SPATA6L: variants seen among roughly 807,000 people sequenced by gnomAD.
SPATA6L encodes spermatogenesis associated 6 like.
Under a neutral mutation model 49.2 loss-of-function variants are expected in SPATA6L, and 68 were observed. The ratio of observed to expected loss-of-function variants is 1.38; its 90% CI spans 1.14 to 1.69. The LOEUF is 1.69. Among genes scored for constraint, SPATA6L ranks in the 40% most tolerant of loss-of-function variants. The pLI is 0.00. For missense variants in SPATA6L, 668 were observed against 464.3 expected (o/e 1.44, Z -4.03); for synonymous variants, 198 against 165.7 (o/e 1.19, Z -1.50).
chr9:4,642,128 T>A (rs2093349688), intron 3 of SPATA6L, among the ~76,000 whole-genome samples: 1 of 152,216 alleles, frequency 6.6e-6, no homozygotes, highest in African/African-American at 2.4e-5. Flanking sequence ...TTTGACATTT[T>A]CTTTTACATA....
chr9:4,626,304 C>CCCT, intron 5 of SPATA6L: 4 of 1,103,600 alleles, frequency 3.6e-6, no homozygotes, highest in Non-Finnish European at 4.7e-6. Context: ...CGGCAGCTGA[C>CCCT]CAGAGCCCCC....
rs754476671 is a variant in SPATA6L at position 4,622,455 on chromosome 9, G to C, written c.725C>G (p.Ser242Cys). 10 of 1,613,766 alleles carry C rather than the reference G, an allele frequency of 6.2e-6. No homozygotes were observed. In the Admixed American group the frequency reaches 1.3e-4, roughly 22 times the overall value. The part of the protein sequence containing the change: ...ENISEHHLRR[S>C]RRKSKFSDFP... The stretch of plus-strand genomic sequence containing the variant: ...GTCTGAAAACTTAGATTTTCTTCTA[G>C]ACCTCCTCAAATGATGCTCTGAAAT... The change falls in exon 7 of 12, where the codon TCT becomes TGT. Residue 242 changes from serine (S) to cysteine (C), a missense_variant. Transcript: ENST00000682582.
intron 9 of SPATA6L, among the ~76,000 whole-genome samples, chr9:4,612,536 C>A (rs745744692): frequency 6.6e-6 from 1 of 152,210 alleles, no homozygotes; most frequent in Admixed American, 6.5e-5. Context: ...CCTTTCTGAG[C>A]CCTCTCCTGT....
At chr9:4,633,839 T>C (rs1832184339) in intron 4 of SPATA6L, 1 of 152,206 alleles carries the variant, frequency 6.6e-6, no homozygotes, top group African/African-American at 2.4e-5. Flanking sequence ...ATTGGTTTTA[T>C]TTTGCTTTAT....
At chr9:4,651,322 A>C (rs778725681) in intron 3 of SPATA6L, among the ~76,000 whole-genome samples, 3 of 152,364 alleles carry the variant, frequency 2.0e-5, no homozygotes, top group Non-Finnish European at 4.4e-5. Flanking sequence ...AAGAAACAGA[A>C]AATCTGAAGA....
At chr9:4,604,314 T>C (rs776364320) in intron 10 of SPATA6L, 45 bp from the exon 11 acceptor site, 16 of 1,286,938 alleles carry the variant, frequency 1.2e-5, no homozygotes, top group South Asian at 3.7e-5. Flanking sequence ...CATAACATAA[T>C]AGAGATGGAT....
Position 4,662,696 on chromosome 9 carries a change from G to A in SPATA6L, c.40-660C>T, listed in dbSNP as rs1451302302. 2 of 1,601,364 alleles carry A rather than the reference G, an allele frequency of 1.2e-6. No homozygotes were observed. Among genetic ancestry groups the A allele is most frequent in the Non-Finnish European group, 1.7e-6 (2 of 1,179,888 alleles). On this transcript the variant is annotated intron_variant, in intron 1 of 11. Coordinates refer to ENST00000682582, the MANE Select transcript of SPATA6L (RefSeq NM_001353486.2). This position sits in a 1 kb window ranked among gnomAD's most constrained non-coding sequence, Gnocchi z 4.9. ...TGGGCATCGCCCTGCGCTCCCTGCT[G>A]GCCATCGACCTGTGGCTGTCCAAGA...
chr9:4,660,820 G>A (rs2130792039), intron 2 of SPATA6L, among the ~76,000 whole-genome samples: 1 of 152,326 alleles, frequency 6.6e-6, no homozygotes, highest in African/African-American at 2.4e-5. Flanking sequence ...AGAAAATGTG[G>A]CACATATACA....
rs1840130864 is a variant in SPATA6L, at chr9:4,662,687, C to G, written c.40-651G>C. The G allele has an allele frequency of 6.2e-7, 1 of 1,600,824 alleles. No homozygotes were observed. The highest frequency in any genetic ancestry group is 1.3e-5 in the African/African-American group (1 of 74,932). ...CGTCCTTCCTGGGCATCGCCCTGCG[C>G]TCCCTGCTGGCCATCGACCTGTGGC... On this transcript the variant is annotated intron_variant, in intron 1 of 11. Transcript: ENST00000682582. This position sits in a 1 kb window ranked among gnomAD's most constrained non-coding sequence, Gnocchi z 4.9.
intron 3 of SPATA6L, among the ~76,000 whole-genome samples, chr9:4,655,652 G>A (rs575611767): frequency 4.1e-4 from 62 of 151,874 alleles, no homozygotes; most frequent in African/African-American, 6.3e-4. Context: ...AGGTTTAAGC[G>A]ATTCTCCTGC....
At chr9:4,614,351 G>A (rs1422604949) in intron 9 of SPATA6L, among the ~76,000 whole-genome samples, 1 of 152,138 alleles carries the variant, frequency 6.6e-6, no homozygotes, top group Non-Finnish European at 1.5e-5. Context: ...TTATGACCTT[G>A]ATCCTTACTG....
At chr9:4,622,976 G>GA (rs33991470) in intron 6 of SPATA6L, among the ~76,000 whole-genome samples, 34,526 of 151,654 alleles carry the variant, frequency 0.23, 6,057 homozygotes, top group African/African-American at 0.48. Context: ...CTACATTTTT[G>GA]AAAAAAGAAT....
rs1837695364 is a variant in SPATA6L at position 4,654,671 on chromosome 9, C to T, written c.226+1370G>A. 2.6e-5 allele frequency among the ~76,000 whole-genome samples: 4 copies of T among 152,208 alleles called. No individual in the cohort carries two copies. The South Asian group carries it at 8.3e-4, about 32-fold the overall frequency. ...GGGAGCCAGCAGGGAGATGGTTTTCCCCTGGAGTTGGGCCACTCGGCAGCC... is the reference window on the plus strand; with the variant it reads ...GGGAGCCAGCAGGGAGATGGTTTTCTCCTGGAGTTGGGCCACTCGGCAGCC... On this transcript the variant is annotated intron_variant, in intron 3 of 11. Transcript: ENST00000682582.
intron 4 of SPATA6L, among the ~76,000 whole-genome samples, chr9:4,629,409 A>G (rs1831011872): frequency 6.6e-6 from 1 of 152,110 alleles, no homozygotes; most frequent in South Asian, 2.1e-4. Context: ...CAACCCCATG[A>G]AGCAGGTTTT....
chr9:4,608,873 G>A (rs1241629907), intron 9 of SPATA6L, among the ~76,000 whole-genome samples: 2 of 151,814 alleles, frequency 1.3e-5, no homozygotes, highest in Non-Finnish European at 2.9e-5. Context: ...TTTTTGAAAG[G>A]ATCAACAAAA....
At chr9:4,591,698 T>C (rs1821910053) in intron 13 of SPATA6L, among the ~76,000 whole-genome samples, 1 of 152,128 alleles carries the variant, frequency 6.6e-6, no homozygotes, top group Non-Finnish European at 1.5e-5. Context: ...CTCTGCTCCA[T>C]CAGAAAGGGC....
rs1488944714 is a variant in SPATA6L, at chr9:4,605,434, A to T, written c.1002T>A (p.His334Gln). The change falls in exon 10 of 12, where the codon CAT (histidine) becomes CAA (glutamine). Residue 334 changes from histidine to glutamine, a missense_variant. Coordinates refer to ENST00000682582, the MANE Select transcript of SPATA6L (RefSeq NM_001353486.2). ...TCTTCCATGTGGACTGAGAACCAGGATGGAACCTGCTCAACAGATGGAACA... is the reference window on the plus strand; with the variant it reads ...TCTTCCATGTGGACTGAGAACCAGGTTGGAACCTGCTCAACAGATGGAACA... ...LDQPLLRERF[H>Q]PGSQSTWKNI... 1 of 1,613,632 alleles carries T rather than the reference A, an allele frequency of 6.2e-7. No homozygotes were observed. Among genetic ancestry groups the T allele is most frequent in the South Asian group, 1.1e-5 (1 of 91,068 alleles).
chr9:4,591,946 C>G (rs1014491111), intron 13 of SPATA6L, among the ~76,000 whole-genome samples: 9 of 152,158 alleles, frequency 5.9e-5, no homozygotes, highest in Non-Finnish European at 8.8e-5. Flanking sequence ...GACCTAACAG[C>G]TGAAGGTATC....
intron 10 of SPATA6L, among the ~76,000 whole-genome samples, chr9:4,604,990 A>T (rs1824373865): frequency 1.3e-5 from 2 of 152,124 alleles, no homozygotes; most frequent in Admixed American, 1.3e-4. Context: ...TCTTCCCTGG[A>T]CTGGGATTCA....
Sources: gnomAD v4.1 joint callset for allele counts (sites outside exome capture counted in the v4.1 genomes callset) on GRCh38, gnomAD v4.1.1 for gene constraint, Gnocchi (gnomAD v3.1) non-coding constraint, MANE v1.5 for transcripts, NCBI Gene and HGNC (gene_info 2026-07-23, HGNC 2026-07-21) for gene names.